IGSF11: variants seen among roughly 807,000 people sequenced by gnomAD.
IGSF11 encodes CXADR like 1.
In IGSF11, 22 loss-of-function variants were observed where a neutral mutation model predicts 41.0. The observed-to-expected ratio is 0.54, with a 90% CI of 0.38 to 0.77. The LOEUF is 0.77. Ranked by LOEUF, IGSF11 falls within the 30% of genes least tolerant of loss-of-function variation. The pLI is 0.00. For synonymous variants in IGSF11, 219 were observed against 201.3 expected, an observed-to-expected ratio of 1.09 and a Z score of -0.74; for missense variants, 444 against 530.8, an observed-to-expected ratio of 0.84 and a Z score of 1.61.
At chr3:118,994,591 G>C (rs570671914) in intron 1 of IGSF11, among the ~76,000 whole-genome samples, 11 of 152,290 alleles carry the variant, frequency 7.2e-5, no homozygotes, top group African/African-American at 2.6e-4. Context: ...CTGGGAGGTT[G>C]AGCCTGCAGT....
At chr3:119,068,192 AC>A (rs1425232749) in intron 1 of IGSF11, among the ~76,000 whole-genome samples, 2 of 152,240 alleles carry the variant, frequency 1.3e-5, no homozygotes, top group Non-Finnish European at 2.9e-5. Context: ...GAAAAGGCAT[AC>A]CAGCAGTGGA....
upstream of IGSF11, among the ~76,000 whole-genome samples, chr3:119,107,454 T>C (rs2077052902): frequency 6.6e-6 from 1 of 152,192 alleles, no homozygotes; most frequent in African/African-American, 2.4e-5. Flanking sequence ...TTCTTGTAAA[T>C]TTGTTTGAGT....
intron 1 of IGSF11, among the ~76,000 whole-genome samples, chr3:119,021,848 T>C (rs1939325517): frequency 6.6e-6 from 1 of 152,216 alleles, no homozygotes; most frequent in Non-Finnish European, 1.5e-5. Flanking sequence ...AATTAAGAAC[T>C]TCTGTTCTTT....
At chr3:118,958,376 A>C (rs936164703) in intron 1 of IGSF11, among the ~76,000 whole-genome samples, 2 of 152,216 alleles carry the variant, frequency 1.3e-5, no homozygotes, top group African/African-American at 4.8e-5. Context: ...TAAAGTGAAA[A>C]GGACAGGGAA....
chr3:119,128,365 A>G (rs2077432419), intron 1 of IGSF11, among the ~76,000 whole-genome samples: 1 of 151,120 alleles, frequency 6.6e-6, no homozygotes, highest in South Asian at 2.1e-4. Context: ...AAGAAAAGAA[A>G]GAAAGAGAGA....
chr3:119,058,665 A>G (rs1316059278), intron 1 of IGSF11, among the ~76,000 whole-genome samples: 3 of 152,258 alleles, frequency 2.0e-5, no homozygotes, highest in Admixed American at 1.3e-4. Context: ...CTATAAAGAC[A>G]TATGCACATG....
intron 1 of IGSF11, among the ~76,000 whole-genome samples, chr3:119,057,965 C>G (rs1206194443): frequency 6.6e-6 from 1 of 152,058 alleles, no homozygotes; most frequent in South Asian, 2.1e-4. Flanking sequence ...CTTATACAAA[C>G]ATTAATTCAA....
At chr3:118,996,031 GC>G (rs749693514) in intron 1 of IGSF11, among the ~76,000 whole-genome samples, 26 of 152,128 alleles carry the variant, frequency 1.7e-4, no homozygotes, top group Non-Finnish European at 3.7e-4. Flanking sequence ...TAATCCACCT[GC>G]CTCAGCCTCC....
chr3:119,079,468 C>A (rs2076554064), intron 1 of IGSF11, among the ~76,000 whole-genome samples: 1 of 152,166 alleles, frequency 6.6e-6, no homozygotes, highest in African/African-American at 2.4e-5. Flanking sequence ...CTGTGGAAAG[C>A]AGTTTGGAGA....
At chr3:118,938,598 C>T (rs1053324558) in intron 1 of IGSF11, among the ~76,000 whole-genome samples, 1 of 152,196 alleles carries the variant, frequency 6.6e-6, no homozygotes, top group Non-Finnish European at 1.5e-5. Context: ...ACACTCAAAA[C>T]TGACTTCAGA....
At chr3:119,121,606 CAG>C (rs558736598) in intron 1 of IGSF11, among the ~76,000 whole-genome samples, 57 of 151,734 alleles carry the variant, frequency 3.8e-4, no homozygotes, top group African/African-American at 1.4e-3. Flanking sequence ...ATATGCAAAA[CAG>C]AGGCCCAAGA....
chr3:119,083,113 C>A (rs901583606), intron 1 of IGSF11, among the ~76,000 whole-genome samples: 11 of 138,410 alleles, frequency 7.9e-5, no homozygotes, highest in Admixed American at 3.8e-4. Flanking sequence ...TTTTCTTTTT[C>A]TTTTTCTTTT....
At position 119,097,957 on chromosome 3, in the gene IGSF11, A is replaced by ATTTTTTTTTTTTTTTTTTTTTTT. The variant is rs377746200; in HGVS notation, c.49+7164_49+7186dup. ...AGGCACATGCCACCACATTCAGCTA[A>ATTTTTTTTTTTTTTTTTTTTTTT]TTTTTTTTTTTTTTTTTTTTTTTTT... On this transcript the variant is annotated intron_variant, in intron 1 of 6. Coordinates refer to the IGSF11 transcript ENST00000354673. 2.1e-4 allele frequency among the ~76,000 whole-genome samples: 12 copies of ATTTTTTTTTTTTTTTTTTTTTTT among 58,362 alleles called. 1 individual carries two copies. Among genetic ancestry groups the ATTTTTTTTTTTTTTTTTTTTTTT allele is most frequent in the East Asian group, 1.1e-3 (2 of 1,832 alleles). 38.3% of individuals were successfully genotyped at this position (58,362 alleles called of 152,430 possible).
At chr3:118,952,130 A>G (rs550830575) in intron 1 of IGSF11, among the ~76,000 whole-genome samples, 1 of 152,284 alleles carries the variant, frequency 6.6e-6, no homozygotes, top group South Asian at 2.1e-4. Flanking sequence ...AAAACAGTAC[A>G]TATCTTAAAG....
At chr3:119,048,691 CA>C (rs921782259) in intron 1 of IGSF11, among the ~76,000 whole-genome samples, 6 of 151,882 alleles carry the variant, frequency 4.0e-5, no homozygotes, top group East Asian at 1.9e-4. Flanking sequence ...AGAGACACAA[CA>C]AAAAAAGACA....
At chr3:119,044,174 G>C (rs573883265) in intron 1 of IGSF11, among the ~76,000 whole-genome samples, 1 of 152,072 alleles carries the variant, frequency 6.6e-6, no homozygotes, top group Non-Finnish European at 1.5e-5. Flanking sequence ...ACAGGATATG[G>C]ATGAAAAAGT....
chr3:118,982,763 AG>A (rs1334489788), intron 1 of IGSF11, among the ~76,000 whole-genome samples: 1 of 152,212 alleles, frequency 6.6e-6, no homozygotes, highest in Non-Finnish European at 1.5e-5. Context: ...TGTTTCATTT[AG>A]TATTCATCTA....
At chr3:119,065,361 A>G (rs1379033521) in intron 1 of IGSF11, among the ~76,000 whole-genome samples, 2 of 152,186 alleles carry the variant, frequency 1.3e-5, no homozygotes, top group African/African-American at 4.8e-5. Context: ...TCTCCTGGTC[A>G]TCATCATGGG....
intron 1 of IGSF11, among the ~76,000 whole-genome samples, chr3:119,113,738 C>T (rs1220302276): frequency 6.6e-6 from 1 of 152,232 alleles, no homozygotes; most frequent in Non-Finnish European, 1.5e-5. Context: ...GGCAGTGCCC[C>T]AGTGGGGACT....
Sources: allele counts gnomAD v4.1 joint callset (sites outside exome capture counted in the v4.1 genomes callset), GRCh38; gene constraint gnomAD v4.1.1; transcripts MANE v1.5; gene names NCBI Gene and HGNC (gene_info 2026-07-23, HGNC 2026-07-21).